The following KCNK10 variants were observed in gnomAD, a reference collection of about 807,000 sequenced individuals.
KCNK10 encodes potassium channel subfamily K member 10.
KCNK10 carries 25 observed loss-of-function variants against 47.7 expected under a neutral mutation model. The observed-to-expected ratio is 0.52, with a 90% CI of 0.38 to 0.73. The LOEUF (loss-of-function observed/expected upper bound fraction) is 0.73, where lower values mean the gene tolerates loss of function less well. KCNK10 is among the 30% of genes least tolerant of loss of function. The probability of loss-of-function intolerance (pLI) is 0.00; values close to 1 mark genes in which losing one functional copy is unlikely to be tolerated. For synonymous variants in KCNK10, 303 were observed against 285.6 expected, an observed-to-expected ratio of 1.06 and a Z score of -0.61; for missense variants, 563 against 714.5, an observed-to-expected ratio of 0.79 and a Z score of 2.42.
intron 1 of KCNK10, among the ~76,000 whole-genome samples, chr14:88,265,234 G>C (rs945230985): frequency 2.6e-5 from 4 of 152,194 alleles, no homozygotes; most frequent in Non-Finnish European, 5.9e-5. Flanking sequence ...CATGGCAAAA[G>C]GGACTTTGCA....
chr14:88,293,070 T>C (rs1456188249), intron 1 of KCNK10, among the ~76,000 whole-genome samples: 1 of 152,232 alleles, frequency 6.6e-6, no homozygotes. Flanking sequence ...GAGGTATTTC[T>C]GGTGTATCAT....
intron 3 of KCNK10, among the ~76,000 whole-genome samples, chr14:88,232,628 A>G (rs960367827): frequency 4.6e-5 from 7 of 152,206 alleles, no homozygotes; most frequent in African/African-American, 1.7e-4. Flanking sequence ...TCAACTTACA[A>G]TACATTATTT....
intron 1 of KCNK10, among the ~76,000 whole-genome samples, chr14:88,273,093 G>A (rs1365686751): frequency 6.6e-6 from 1 of 152,190 alleles, no homozygotes; most frequent in Non-Finnish European, 1.5e-5. Flanking sequence ...TGATGAGTAT[G>A]TAAGTGGTAC....
At chr14:88,290,262 T>C (rs1268915745) in intron 1 of KCNK10, among the ~76,000 whole-genome samples, 1 of 152,030 alleles carries the variant, frequency 6.6e-6, no homozygotes, top group Non-Finnish European at 1.5e-5. Context: ...GGTGCAGCCA[T>C]GAGCCAAGAA....
rs147132993 is a variant in KCNK10 at position 88,271,388 on chromosome 14, T to C, written c.53-7837A>G. Among the ~76,000 whole-genome samples the C allele has an allele frequency of 1.2e-4, 18 of 152,284 alleles. No homozygotes were observed. In the East Asian group the frequency reaches 1.7e-3, roughly 15 times the overall value. ...GCATATGGAAGCACCCCTGGCACTA[T>C]TGTGGTTTTTTCCCATAGGCAGAAA... On this transcript the variant is annotated intron_variant, in intron 1 of 6. Coordinates refer to ENST00000319231, the MANE Select transcript of KCNK10 (RefSeq NM_138317.3).
At chr14:88,208,496 C>T (rs1392713855) in intron 4 of KCNK10, among the ~76,000 whole-genome samples, 1 of 152,142 alleles carries the variant, frequency 6.6e-6, no homozygotes, top group Non-Finnish European at 1.5e-5. Flanking sequence ...TTCTGAAGAG[C>T]AGCAGAGTCA....
intron 1 of KCNK10, among the ~76,000 whole-genome samples, chr14:88,321,674 A>G (rs1462518514): frequency 1.3e-5 from 2 of 152,234 alleles, no homozygotes; most frequent in Admixed American, 6.5e-5. Flanking sequence ...TCACTCTTCA[A>G]TAGCCAGTCA....
intron 1 of KCNK10, among the ~76,000 whole-genome samples, chr14:88,317,316 T>A (rs890390187): frequency 6.6e-6 from 1 of 152,216 alleles, no homozygotes; most frequent in African/African-American, 2.4e-5. Flanking sequence ...CCTAGCAAGT[T>A]GAAAATGGCC....
intron 1 of KCNK10, among the ~76,000 whole-genome samples, chr14:88,267,073 C>G (rs117847520): frequency 0.013 from 2,026 of 152,310 alleles, 19 homozygotes; most frequent in Non-Finnish European, 0.021. Context: ...ACAGCATGAC[C>G]TCGAAACTGT....
At chr14:88,227,874 T>A (rs186554686) in intron 3 of KCNK10, among the ~76,000 whole-genome samples, 1 of 152,304 alleles carries the variant, frequency 6.6e-6, no homozygotes, top group Admixed American at 6.5e-5. Context: ...CCTGAATGCG[T>A]GGGAAGGAAT....
At chr14:88,213,108 A>T (rs1292527781) in intron 4 of KCNK10, among the ~76,000 whole-genome samples, 1 of 152,200 alleles carries the variant, frequency 6.6e-6, no homozygotes, top group Non-Finnish European at 1.5e-5. Flanking sequence ...CTGACATGCC[A>T]GTCATCTAAA....
chr14:88,317,575 A>AGGAAGGAAAGCT (rs1441073358), intron 1 of KCNK10, among the ~76,000 whole-genome samples: 1 of 152,238 alleles, frequency 6.6e-6, no homozygotes. Flanking sequence ...AGTCGCTGGG[A>AGGAAGGAAAGCT]GGAAGGAAAG....
At chr14:88,323,956 G>T (rs1253308737), upstream of KCNK10, among the ~76,000 whole-genome samples, 1 of 152,158 alleles carries the variant, frequency 6.6e-6, no homozygotes, top group African/African-American at 2.4e-5. Context: ...TTCTGGGACC[G>T]CTCCGCATCT....
At chr14:88,292,950 G>A (rs1213737410) in intron 1 of KCNK10, among the ~76,000 whole-genome samples, 1 of 152,100 alleles carries the variant, frequency 6.6e-6, no homozygotes, top group East Asian at 1.9e-4. Flanking sequence ...TTGGATGAGA[G>A]GTTGATGTTT....
At chr14:88,268,068 G>A (rs1887312131) in intron 1 of KCNK10, among the ~76,000 whole-genome samples, 1 of 152,154 alleles carries the variant, frequency 6.6e-6, no homozygotes, top group African/African-American at 2.4e-5. Context: ...AAAATGATAG[G>A]GAGTTGGGGA....
chr14:88,234,022 C>T (rs554169426), intron 3 of KCNK10, among the ~76,000 whole-genome samples: 4 of 152,178 alleles, frequency 2.6e-5, no homozygotes, highest in South Asian at 4.1e-4. Flanking sequence ...TCCTACAATG[C>T]GTGACACTTT....
At chr14:88,191,685 A>G (rs1884753512) in intron 5 of KCNK10, among the ~76,000 whole-genome samples, 1 of 152,150 alleles carries the variant, frequency 6.6e-6, no homozygotes, top group Admixed American at 6.5e-5. Context: ...ACTCCTGCAT[A>G]ATCCATGAGC....
chr14:88,249,958 A>T (rs1342814585), intron 2 of KCNK10, among the ~76,000 whole-genome samples: 1 of 152,150 alleles, frequency 6.6e-6, no homozygotes, highest in African/African-American at 2.4e-5. Flanking sequence ...TTGTATTGTG[A>T]TAAGTAATAA....
chr14:88,226,030 G>A (rs566463765), intron 4 of KCNK10, among the ~76,000 whole-genome samples: 9 of 152,352 alleles, frequency 5.9e-5, no homozygotes, highest in South Asian at 4.1e-4. Flanking sequence ...GATGAAACCC[G>A]GATGAGTGGC....
Sources: gnomAD v4.1 joint callset for allele counts (sites outside exome capture counted in the v4.1 genomes callset) on GRCh38, gnomAD v4.1.1 for gene constraint, MANE v1.5 for transcripts, NCBI Gene and HGNC (gene_info 2026-07-23, HGNC 2026-07-21) for gene names.